The following ECHDC1 variants were observed in gnomAD, a reference collection of about 807,000 sequenced individuals.
ECHDC1 encodes ethylmalonyl-CoA decarboxylase 1.
Under a neutral mutation model 29.7 loss-of-function variants are expected in ECHDC1, and 29 were observed. That is an observed-to-expected ratio of 0.98 (90% CI 0.73 to 1.33). ECHDC1 has a LOEUF of 1.33. ECHDC1 is among the 40% of genes most tolerant of loss of function. ECHDC1 has a pLI of 0.00. For missense variants in ECHDC1, 328 were observed against 350.0 expected (o/e 0.94, Z 0.50); for synonymous variants, 126 against 123.1 (o/e 1.02, Z -0.15).
chr6:127,310,235 G>T lies in ECHDC1; in HGVS notation c.497+4581C>A, dbSNP rs554898922. ...ATTATACATTTAAAAACAACTAAAA[G>T]AGTATAATTGGATTTTTTGTAACAC... On this transcript the variant is annotated intron_variant, in intron 5 of 5. Transcript: ENST00000454859. Among the ~76,000 whole-genome samples the T allele has an allele frequency of 1.2e-4, 19 of 152,134 alleles. No individual in the cohort carries two copies. The South Asian group carries it at 3.7e-3, about 30-fold the overall frequency.
intron 1 of ECHDC1, among the ~76,000 whole-genome samples, chr6:127,339,044 A>T (rs1784680947): frequency 6.6e-6 from 1 of 152,058 alleles, no homozygotes; most frequent in South Asian, 2.1e-4. Context: ...ATCATTCCAA[A>T]TATTGACAGA....
At chr6:127,305,317 T>C (rs1052074730) in intron 5 of ECHDC1, among the ~76,000 whole-genome samples, 1 of 152,180 alleles carries the variant, frequency 6.6e-6, no homozygotes, top group Non-Finnish European at 1.5e-5. Flanking sequence ...TAGAATAGTA[T>C]ATTCTGCAAA....
chr6:127,314,537 A>T (rs986637623), intron 5 of ECHDC1, among the ~76,000 whole-genome samples: 2 of 151,988 alleles, frequency 1.3e-5, no homozygotes, highest in Non-Finnish European at 2.9e-5. Context: ...ATATTTCCTT[A>T]GCTTTCCTTC....
chr6:127,316,200 T>A, intron 4 of ECHDC1: 1 of 462,582 alleles, frequency 2.2e-6, no homozygotes, highest in Non-Finnish European at 4.1e-6. Flanking sequence ...GCTAGTTATA[T>A]AAGCTCTTTA....
At chr6:127,313,381 T>G (rs574563819) in intron 5 of ECHDC1, 8 of 281,044 alleles carry the variant, frequency 2.8e-5, no homozygotes, top group African/African-American at 1.8e-4. Flanking sequence ...TTTTGTATTT[T>G]GAGTAGAGAT....
At chr6:127,342,631 T>C (rs996200962) in intron 1 of ECHDC1, 1 of 424,948 alleles carries the variant, frequency 2.4e-6, no homozygotes. Flanking sequence ...TCTGCATACC[T>C]CTAGCACCTA....
At chr6:127,328,969 G>A (rs2114674348) in intron 2 of ECHDC1, among the ~76,000 whole-genome samples, 2 of 152,224 alleles carry the variant, frequency 1.3e-5, no homozygotes, top group Middle Eastern at 3.4e-3. Flanking sequence ...AGAGCTTGCA[G>A]TGAGCTGAGA....
intron 1 of ECHDC1, among the ~76,000 whole-genome samples, chr6:127,341,865 G>A (rs1784977374): frequency 6.6e-6 from 1 of 152,234 alleles, no homozygotes; most frequent in South Asian, 2.1e-4. Flanking sequence ...ATAGAAATCA[G>A]AAGCATTTGA....
chr6:127,335,267 A>G (rs1423651309), intron 1 of ECHDC1, among the ~76,000 whole-genome samples: 1 of 152,120 alleles, frequency 6.6e-6, no homozygotes, highest in Non-Finnish European at 1.5e-5. Flanking sequence ...TCAAACACAT[A>G]TATTTCAAAA....
At chr6:127,291,074 G>A (rs1449753171) in intron 5 of ECHDC1, among the ~76,000 whole-genome samples, 5 of 152,004 alleles carry the variant, frequency 3.3e-5, no homozygotes, top group African/African-American at 1.2e-4. Context: ...TATCTCTGGG[G>A]ACGAGTACAG....
chr6:127,333,074 T>C (rs1252169187), intron 1 of ECHDC1, among the ~76,000 whole-genome samples: 1 of 152,338 alleles, frequency 6.6e-6, no homozygotes, highest in Admixed American at 6.5e-5. Flanking sequence ...ATTACAGGTG[T>C]GAGCCACCAC....
At chr6:127,297,070 C>G (rs920695218) in intron 5 of ECHDC1, among the ~76,000 whole-genome samples, 3 of 152,088 alleles carry the variant, frequency 2.0e-5, no homozygotes, top group African/African-American at 7.2e-5. Context: ...AATATTGTTC[C>G]TTACCCATGA....
At chr6:127,302,781 T>C (rs1392962534) in intron 5 of ECHDC1, among the ~76,000 whole-genome samples, 2 of 152,206 alleles carry the variant, frequency 1.3e-5, no homozygotes, top group Non-Finnish European at 2.9e-5. Flanking sequence ...TAACTACCTG[T>C]ATTCAGTGTA....
chr6:127,338,327 A>T (rs181231343), intron 1 of ECHDC1, among the ~76,000 whole-genome samples: 51 of 152,274 alleles, frequency 3.3e-4, no homozygotes, highest in Admixed American at 7.2e-4. Flanking sequence ...AAATAACTCA[A>T]ATATCTAATT....
rs145333140 is a variant in ECHDC1 at position 127,290,871 on chromosome 6, G to C, written c.498-594C>G. On this transcript the variant is annotated intron_variant, in intron 5 of 5. Coordinates refer to ENST00000454859, the MANE Select transcript of ECHDC1 (RefSeq NM_001002030.2). ...GGCAATGAGTGCTTTATAGCAAAAA[G>C]AGAAAAAGAAAATGAGGCAGGAGAC... Among the ~76,000 whole-genome samples, 6 of 152,130 alleles carry C rather than the reference G, an allele frequency of 3.9e-5. No homozygotes were observed. In the East Asian group the frequency reaches 1.2e-3, roughly 29 times the overall value.
chr6:127,331,914 G>C, intron 1 of ECHDC1: 8 of 975,858 alleles, frequency 8.2e-6, no homozygotes, highest in Non-Finnish European at 8.5e-6. Flanking sequence ...TGGTTTTTCT[G>C]TTCCCCAAGG....
Position 127,289,723 on chromosome 6 carries a change from G to A in ECHDC1, c.*146C>T. 1 of 841,182 alleles carries A rather than the reference G, an allele frequency of 1.2e-6. No homozygotes were observed. Among genetic ancestry groups the A allele is most frequent in the Non-Finnish European group, 1.8e-6 (1 of 568,864 alleles). 52.1% of individuals were successfully genotyped at this position (841,182 alleles called of 1,614,324 possible). A position where few individuals can be genotyped will look rare whatever the true frequency, so the allele number is the denominator to read the frequency against. The stretch of plus-strand genomic sequence containing the variant: ...AATTGGCAAGAAATGAGGTAAATGA[G>A]TTCAGATATTCAAATGATTAAAAGT... On this transcript the variant is annotated 3_prime_UTR_variant, in exon 6 of 6. Transcript: ENST00000454859.
At chr6:127,308,274 C>T (rs1466053908) in intron 5 of ECHDC1, among the ~76,000 whole-genome samples, 1 of 152,022 alleles carries the variant, frequency 6.6e-6, no homozygotes, top group Admixed American at 6.6e-5. Flanking sequence ...CTGAATTCAA[C>T]AATATATTAA....
At chr6:127,318,063 G>A (rs990961800) in intron 3 of ECHDC1, 3 of 152,100 alleles carry the variant, frequency 2.0e-5, no homozygotes, top group African/African-American at 7.2e-5. Flanking sequence ...AAACCTTCCT[G>A]TAGGATGATG....
Sources: allele counts gnomAD v4.1 joint callset (sites outside exome capture counted in the v4.1 genomes callset), GRCh38; gene constraint gnomAD v4.1.1; transcripts MANE v1.5; gene names NCBI Gene and HGNC (gene_info 2026-07-23, HGNC 2026-07-21).